Variants in KCNT2 observed in about 807,000 individuals in gnomAD.
KCNT2 encodes potassium channel subfamily T member 2.
In KCNT2, 67 loss-of-function variants were observed where a neutral mutation model predicts 153.8. The ratio of observed to expected loss-of-function variants is 0.44; its 90% CI spans 0.36 to 0.53. The LOEUF (loss-of-function observed/expected upper bound fraction) is 0.53. KCNT2 is among the 20% of genes least tolerant of loss of function. KCNT2 has a pLI of 0.00. For synonymous variants in KCNT2, 500 were observed against 458.8 expected, an observed-to-expected ratio of 1.09 and a Z score of -1.15; for missense variants, 975 against 1,354.8, an observed-to-expected ratio of 0.72 and a Z score of 4.40.
chr1:196,372,212 A>G (rs908925910), intron 14 of KCNT2, among the ~76,000 whole-genome samples: 3 of 152,098 alleles, frequency 2.0e-5, no homozygotes, highest in Non-Finnish European at 4.4e-5. Context: ...AGACAGTAAA[A>G]TCTAATTTAT....
At chr1:196,584,095 A>G (rs1572896166) in intron 1 of KCNT2, among the ~76,000 whole-genome samples, 1 of 151,874 alleles carries the variant, frequency 6.6e-6, no homozygotes, top group East Asian at 1.9e-4. Flanking sequence ...AAGGAACTAT[A>G]AAGGCAGGGT....
At chr1:196,492,794 A>C (rs1558004451) in intron 1 of KCNT2, among the ~76,000 whole-genome samples, 1 of 152,138 alleles carries the variant, frequency 6.6e-6, no homozygotes, top group Non-Finnish European at 1.5e-5. Flanking sequence ...AGATCTACTT[A>C]TTCAGAATTT....
At chr1:196,237,685 C>T (rs980252260) in intron 26 of KCNT2, among the ~76,000 whole-genome samples, 2 of 151,730 alleles carry the variant, frequency 1.3e-5, no homozygotes, top group African/African-American at 4.8e-5. Flanking sequence ...ATGTGATATA[C>T]TTACACTAAA....
At chr1:196,506,514 CAAT>C in intron 1 of KCNT2, among the ~76,000 whole-genome samples, 1 of 152,170 alleles carries the variant, frequency 6.6e-6, no homozygotes, top group South Asian at 2.1e-4. Context: ...TTATTGGAGA[CAAT>C]AATTAATCTG....
intron 14 of KCNT2, among the ~76,000 whole-genome samples, chr1:196,350,365 C>T (rs1280560577): frequency 6.6e-6 from 1 of 152,100 alleles, no homozygotes; most frequent in Non-Finnish European, 1.5e-5. Flanking sequence ...CTCTCCAGCA[C>T]CTGTTGTTTC....
chr1:196,447,608 G>A (rs1419664866), intron 8 of KCNT2, among the ~76,000 whole-genome samples: 2 of 151,562 alleles, frequency 1.3e-5, no homozygotes. Flanking sequence ...TGCAGAGCTG[G>A]ATGTAAAGAT....
At chr1:196,327,888 C>T (rs1370652362) in intron 18 of KCNT2, among the ~76,000 whole-genome samples, 5 of 151,854 alleles carry the variant, frequency 3.3e-5, no homozygotes, top group Non-Finnish European at 7.4e-5. Flanking sequence ...CCACCCACCT[C>T]AGCCTCCCCA....
At chr1:196,577,315 G>A (rs1661482332) in intron 1 of KCNT2, among the ~76,000 whole-genome samples, 1 of 152,070 alleles carries the variant, frequency 6.6e-6, no homozygotes, top group East Asian at 1.9e-4. Context: ...TGAGAAACGA[G>A]AAACAAATGA....
chr1:196,338,901 A>C (rs113527145), intron 16 of KCNT2, among the ~76,000 whole-genome samples: 7,127 of 140,142 alleles, frequency 0.051, 257 homozygotes, highest in Non-Finnish European at 0.073. Flanking sequence ...AAAAGTCAGA[A>C]TGGTGGCCTT....
chr1:196,360,230 T>C (rs1195703756), intron 14 of KCNT2, among the ~76,000 whole-genome samples: 1 of 152,078 alleles, frequency 6.6e-6, no homozygotes, highest in East Asian at 1.9e-4. Flanking sequence ...ACTATTATTT[T>C]CTTTTCCTGT....
At chr1:196,397,296 T>TA (rs1671023427) in intron 13 of KCNT2, among the ~76,000 whole-genome samples, 1 of 151,498 alleles carries the variant, frequency 6.6e-6, no homozygotes, top group Non-Finnish European at 1.5e-5. Context: ...TAAATAATAA[T>TA]AAAAATAAGA....
chr1:196,458,123 A>G, intron 8 of KCNT2, among the ~76,000 whole-genome samples: 1 of 152,054 alleles, frequency 6.6e-6, no homozygotes, highest in South Asian at 2.1e-4. Flanking sequence ...GTTAATATAT[A>G]CAAAATAAAT....
intron 26 of KCNT2, among the ~76,000 whole-genome samples, chr1:196,249,895 A>C (rs1321551534): frequency 6.6e-6 from 1 of 152,150 alleles, no homozygotes; most frequent in Non-Finnish European, 1.5e-5. Context: ...TAACTTAAAG[A>C]AGTGAAAAAG....
At chr1:196,362,263 T>A in intron 14 of KCNT2, among the ~76,000 whole-genome samples, 1 of 152,122 alleles carries the variant, frequency 6.6e-6, no homozygotes, top group East Asian at 1.9e-4. Context: ...AAAGTCTTCC[T>A]GTCTTCCTGT....
chr1:196,335,499 T>C (rs1248133837), intron 16 of KCNT2, among the ~76,000 whole-genome samples: 1 of 152,148 alleles, frequency 6.6e-6, no homozygotes, highest in Non-Finnish European at 1.5e-5. Flanking sequence ...TCTAACACAA[T>C]GGTAATCTCA....
chr1:196,395,290 A>C (rs1264647718), intron 13 of KCNT2, among the ~76,000 whole-genome samples: 1 of 151,612 alleles, frequency 6.6e-6, no homozygotes, highest in African/African-American at 2.4e-5. Flanking sequence ...AGTTGGGAAG[A>C]TATATTTTCT....
chr1:196,238,209 C>T (rs148442601), intron 26 of KCNT2, among the ~76,000 whole-genome samples: 89 of 152,012 alleles, frequency 5.9e-4, no homozygotes, highest in Admixed American at 2.6e-3. Flanking sequence ...TATTATACTT[C>T]TTGGTTCTAG....
chr1:196,332,185 G>A (rs1664531438), intron 17 of KCNT2, among the ~76,000 whole-genome samples: 1 of 152,112 alleles, frequency 6.6e-6, no homozygotes, highest in South Asian at 2.1e-4. Context: ...TTGGCTAAGA[G>A]ATAAAATTAT....
In KCNT2 at chr1:196,396,400, G is replaced by T. The variant is rs1418622333; in HGVS notation, c.1294+2163C>A. 1.1e-4 allele frequency among the ~76,000 whole-genome samples: 17 copies of T among 151,550 alleles called. No individual in the cohort carries two copies. In the Admixed American group the frequency reaches 1.1e-3, roughly 10 times the overall value. Reference sequence around the variant, plus strand: ...TGGTAAAAAGCTGCAAAATCACACGGCAACAGGGCACAGATATATACAGCA... The same window carrying T: ...TGGTAAAAAGCTGCAAAATCACACGTCAACAGGGCACAGATATATACAGCA... On this transcript the variant is annotated intron_variant, in intron 13 of 27. Coordinates refer to ENST00000294725, the MANE Select transcript of KCNT2 (RefSeq NM_198503.5).
Sources: gnomAD v4.1 joint callset for allele counts (sites outside exome capture counted in the v4.1 genomes callset) on GRCh38, gnomAD v4.1.1 for gene constraint, MANE v1.5 for transcripts, NCBI Gene and HGNC (gene_info 2026-07-23, HGNC 2026-07-21) for gene names.